The following FGF14 variants were observed in gnomAD, a reference collection of about 807,000 sequenced individuals.
FGF14 encodes fibroblast growth factor homologous factor 4.
A neutral mutation model predicts 25.5 loss-of-function variants in FGF14; 5 were observed. That is an observed-to-expected ratio of 0.20 (90% CI 0.10 to 0.41). The LOEUF (loss-of-function observed/expected upper bound fraction) is 0.41. Ranked by LOEUF, FGF14 falls within the 10% of genes least tolerant of loss-of-function variation. FGF14 has a pLI of 1.00. For missense variants in FGF14, 222 were observed against 320.1 expected (o/e 0.69, Z 2.34); for synonymous variants, 138 against 118.3 (o/e 1.17, Z -1.08).
chr13:102,221,699 A>G (rs1050617614), intron 1 of FGF14, among the ~76,000 whole-genome samples: 3 of 152,190 alleles, frequency 2.0e-5, no homozygotes, highest in African/African-American at 2.4e-5. Context: ...GATAATTTAC[A>G]AAGAGGTGAG....
intron 1 of FGF14, among the ~76,000 whole-genome samples, chr13:102,120,692 T>C (rs1165497766): frequency 2.2e-5 from 3 of 134,990 alleles, no homozygotes; most frequent in South Asian, 2.6e-4. Context: ...TCATCTACCA[T>C]AGAAAAGTGA....
intron 1 of FGF14, among the ~76,000 whole-genome samples, chr13:102,057,579 G>A (rs1175966148): frequency 2.0e-5 from 3 of 152,070 alleles, no homozygotes; most frequent in Non-Finnish European, 4.4e-5. Context: ...TGTATTCTCA[G>A]TGACCATTAT....
intron 1 of FGF14, among the ~76,000 whole-genome samples, chr13:102,146,802 C>G (rs2046874100): frequency 6.6e-6 from 1 of 152,112 alleles, no homozygotes; most frequent in South Asian, 2.1e-4. Flanking sequence ...CCAACCAGCC[C>G]TGGTAATCAG....
At chr13:102,101,465 A>T (rs1182572328) in intron 1 of FGF14, among the ~76,000 whole-genome samples, 1 of 152,224 alleles carries the variant, frequency 6.6e-6, no homozygotes, top group African/African-American at 2.4e-5. Flanking sequence ...ATACCTCACA[A>T]AAAGAGATGT....
At chr13:102,335,693 G>A (rs186187068) in intron 1 of FGF14, among the ~76,000 whole-genome samples, 7 of 152,238 alleles carry the variant, frequency 4.6e-5, no homozygotes, top group East Asian at 1.9e-4. Context: ...TCTTTAATGC[G>A]CTTCACGGAT....
chr13:101,927,540 A>T (rs758188788), intron 1 of FGF14, among the ~76,000 whole-genome samples: 12 of 152,182 alleles, frequency 7.9e-5, no homozygotes, highest in Non-Finnish European at 1.5e-4. Context: ...GCAGTTTTAC[A>T]TATTTGTACT....
At chr13:102,261,435 A>G (rs1343412190) in intron 1 of FGF14, among the ~76,000 whole-genome samples, 3 of 152,246 alleles carry the variant, frequency 2.0e-5, no homozygotes, top group Non-Finnish European at 4.4e-5. Flanking sequence ...TCTTTAAAGA[A>G]TTATAAATTA....
chr13:101,799,543 A>G (rs1029201724), intron 3 of FGF14, among the ~76,000 whole-genome samples: 1 of 152,138 alleles, frequency 6.6e-6, no homozygotes, highest in African/African-American at 2.4e-5. Flanking sequence ...CAATTTAAAT[A>G]ATGCGTGGCA....
At chr13:102,340,683 C>T (rs1331691498) in intron 1 of FGF14, among the ~76,000 whole-genome samples, 2 of 152,130 alleles carry the variant, frequency 1.3e-5, no homozygotes, top group African/African-American at 2.4e-5. Flanking sequence ...ACAAACAAAA[C>T]TTAAAATCTA....
intron 1 of FGF14, among the ~76,000 whole-genome samples, chr13:101,938,078 G>A (rs2035218242): frequency 6.6e-6 from 1 of 152,186 alleles, no homozygotes; most frequent in Non-Finnish European, 1.5e-5. Context: ...TCCAGACAGG[G>A]CACCACAGAG....
At chr13:102,228,313 C>T (rs74109550) in intron 1 of FGF14, among the ~76,000 whole-genome samples, 4,050 of 152,166 alleles carry the variant, frequency 0.027, 174 homozygotes, top group African/African-American at 0.092. Flanking sequence ...GTAGGGGGTG[C>T]CATTTAGGAA....
chr13:101,927,978 G>C (rs1451205534), intron 1 of FGF14, among the ~76,000 whole-genome samples: 1 of 152,088 alleles, frequency 6.6e-6, no homozygotes, highest in African/African-American at 2.4e-5. Context: ...CCTCCGTCCC[G>C]TTTCCCTCTT....
At chr13:102,199,867 C>T (rs1012189003) in intron 1 of FGF14, among the ~76,000 whole-genome samples, 2 of 152,198 alleles carry the variant, frequency 1.3e-5, no homozygotes, top group African/African-American at 4.8e-5. Context: ...TCTTCTTCTG[C>T]ACCTCAAACC....
intron 1 of FGF14, among the ~76,000 whole-genome samples, chr13:101,956,191 A>C (rs1180322527): frequency 2.0e-5 from 3 of 152,218 alleles, no homozygotes; most frequent in Admixed American, 2.0e-4. Flanking sequence ...CCAAGTAAAG[A>C]AAATGGCCCA....
At chr13:102,061,728 C>G (rs2042698412) in intron 1 of FGF14, among the ~76,000 whole-genome samples, 1 of 152,172 alleles carries the variant, frequency 6.6e-6, no homozygotes, top group Non-Finnish European at 1.5e-5. Context: ...AGTGCTTGGT[C>G]ACAGAAGGCA....
chr13:101,861,003 G>A (rs1348560763), intron 3 of FGF14, among the ~76,000 whole-genome samples: 1 of 152,096 alleles, frequency 6.6e-6, no homozygotes, highest in African/African-American at 2.4e-5. Flanking sequence ...AATTGAGCAT[G>A]TAGATTCTAT....
intron 1 of FGF14, among the ~76,000 whole-genome samples, chr13:102,195,376 A>C (rs1448325631): frequency 3.3e-5 from 5 of 152,292 alleles, no homozygotes; most frequent in African/African-American, 1.2e-4. Flanking sequence ...AGAGCTATGT[A>C]GCAGCAAAAT....
chr13:101,743,780 G>T (rs2036709856), intron 3 of FGF14, among the ~76,000 whole-genome samples: 1 of 151,908 alleles, frequency 6.6e-6, no homozygotes, highest in Admixed American at 6.6e-5. Context: ...TTATTTCAAA[G>T]ATTTAAGATA....
At chr13:101,912,889 A>G (rs76169024) in intron 1 of FGF14, among the ~76,000 whole-genome samples, 3,019 of 152,258 alleles carry the variant, frequency 0.02, 119 homozygotes, top group African/African-American at 0.068. Context: ...AATGAGGAGA[A>G]CCCAGTGTAT....
Sources: gnomAD v4.1 joint callset for allele counts (sites outside exome capture counted in the v4.1 genomes callset) on GRCh38, gnomAD v4.1.1 for gene constraint, MANE v1.5 for transcripts, NCBI Gene and HGNC (gene_info 2026-07-23, HGNC 2026-07-21) for gene names.